The following CNTNAP2 variants were observed in gnomAD, a reference collection of about 807,000 sequenced individuals.
CNTNAP2 encodes the protein contactin associated protein 2, also known as contactin-associated protein-like 2.
In CNTNAP2, 98 loss-of-function variants were observed where a neutral mutation model predicts 155.2. The ratio of observed to expected loss-of-function variants is 0.63; its 90% CI spans 0.54 to 0.75. The LOEUF is 0.75. Among genes scored for constraint, CNTNAP2 ranks in the 30% least tolerant of loss-of-function variants. The probability of loss-of-function intolerance (pLI) is 0.00; values close to 1 mark genes in which losing one functional copy is unlikely to be tolerated. For synonymous variants in CNTNAP2, 651 were observed against 631.2 expected (o/e 1.03, Z -0.47); for missense variants, 1,727 against 1,688.1 (o/e 1.02, Z -0.40).
chr7:147,385,415 G>C (rs1195268292), intron 9 of CNTNAP2, among the ~76,000 whole-genome samples: 4 of 152,168 alleles, frequency 2.6e-5, no homozygotes, highest in Non-Finnish European at 5.9e-5. Flanking sequence ...TTCTGCTCAT[G>C]AGCCTGTAAA....
intron 13 of CNTNAP2, among the ~76,000 whole-genome samples, chr7:147,685,282 C>T (rs891970902): frequency 3.3e-4 from 50 of 152,004 alleles, no homozygotes; most frequent in African/African-American, 1.1e-3. Flanking sequence ...GCAGAATATC[C>T]TTTGAATTCT....
At chr7:147,848,841 A>G (rs1273194822) in intron 13 of CNTNAP2, among the ~76,000 whole-genome samples, 2 of 152,206 alleles carry the variant, frequency 1.3e-5, no homozygotes, top group East Asian at 3.9e-4. Flanking sequence ...ATTCATACAC[A>G]AAAGACCAAA....
intron 1 of CNTNAP2, among the ~76,000 whole-genome samples, chr7:146,615,250 GATCT>G (rs1799206018): frequency 6.6e-6 from 1 of 152,104 alleles, no homozygotes; most frequent in Non-Finnish European, 1.5e-5. Context: ...TAAAAAGCTA[GATCT>G]ATCTAACTGC....
intron 12 of CNTNAP2, among the ~76,000 whole-genome samples, chr7:147,634,107 T>C (rs900431834): frequency 3.3e-5 from 5 of 152,172 alleles, no homozygotes; most frequent in Non-Finnish European, 7.3e-5. Flanking sequence ...CTACTGGGTA[T>C]CTACCCAGAG....
At chr7:147,701,841 A>C (rs538826390) in intron 13 of CNTNAP2, among the ~76,000 whole-genome samples, 1 of 152,256 alleles carries the variant, frequency 6.6e-6, no homozygotes, top group African/African-American at 2.4e-5. Context: ...CCTCAAACTA[A>C]AATCTTTTGA....
At chr7:146,892,130 C>T (rs1198630707) in intron 3 of CNTNAP2, among the ~76,000 whole-genome samples, 2 of 152,170 alleles carry the variant, frequency 1.3e-5, no homozygotes, top group Non-Finnish European at 2.9e-5. Context: ...GCTGAAATGG[C>T]TCAGCTTAGA....
intron 13 of CNTNAP2, among the ~76,000 whole-genome samples, chr7:147,836,999 G>A (rs923444515): frequency 6.6e-6 from 1 of 152,150 alleles, no homozygotes; most frequent in Non-Finnish European, 1.5e-5. Flanking sequence ...ATAGCTAAAA[G>A]GGACTCAAAC....
At chr7:147,761,225 T>G (rs1797294114) in intron 13 of CNTNAP2, among the ~76,000 whole-genome samples, 1 of 152,226 alleles carries the variant, frequency 6.6e-6, no homozygotes, top group African/African-American at 2.4e-5. Flanking sequence ...CATTGGAAAC[T>G]TCCTGAATGC....
chr7:146,634,705 C>A (rs937367740), intron 1 of CNTNAP2, among the ~76,000 whole-genome samples: 3 of 152,060 alleles, frequency 2.0e-5, no homozygotes, highest in African/African-American at 7.2e-5. Flanking sequence ...TTCCAATTTG[C>A]AAGGAAAGAA....
chr7:146,868,420 C>A (rs1011343556), intron 3 of CNTNAP2, among the ~76,000 whole-genome samples: 2 of 152,112 alleles, frequency 1.3e-5, no homozygotes, highest in Non-Finnish European at 2.9e-5. Context: ...ATTCCTTTAG[C>A]CTTGTAGTAT....
intron 10 of CNTNAP2, among the ~76,000 whole-genome samples, chr7:147,419,511 T>C (rs74949610): frequency 6.6e-6 from 1 of 152,326 alleles, no homozygotes; most frequent in African/African-American, 2.4e-5. Flanking sequence ...AGATGCCTTA[T>C]TTTTATTTAA....
At chr7:147,232,536 CATT>C (rs1396314709) in intron 8 of CNTNAP2, among the ~76,000 whole-genome samples, 11 of 152,272 alleles carry the variant, frequency 7.2e-5, no homozygotes, top group Admixed American at 6.5e-4. Flanking sequence ...TTTACACACA[CATT>C]ATCAACTAAT....
chr7:147,584,364 G>A (rs1053686920), intron 12 of CNTNAP2, among the ~76,000 whole-genome samples: 3 of 152,048 alleles, frequency 2.0e-5, no homozygotes, highest in Non-Finnish European at 2.9e-5. Context: ...AGAAATACTA[G>A]GAGCAGAAAT....
chr7:147,079,325 G>T (rs1385727845), intron 4 of CNTNAP2, among the ~76,000 whole-genome samples: 1 of 152,018 alleles, frequency 6.6e-6, no homozygotes, highest in African/African-American at 2.4e-5. Context: ...TGGGACCTGT[G>T]CTACCTGCCA....
intron 12 of CNTNAP2, among the ~76,000 whole-genome samples, chr7:147,607,634 T>C (rs539648571): frequency 6.6e-6 from 1 of 152,258 alleles, no homozygotes; most frequent in South Asian, 2.1e-4. Flanking sequence ...TGATGTGAAC[T>C]AGGGTCAACA....
chr7:146,976,795 G>A (rs564608594), intron 3 of CNTNAP2, among the ~76,000 whole-genome samples: 1 of 152,136 alleles, frequency 6.6e-6, no homozygotes, highest in African/African-American at 2.4e-5. Context: ...ACTGGGTAGC[G>A]AAACCCGGCA....
intron 1 of CNTNAP2, among the ~76,000 whole-genome samples, chr7:146,186,477 C>T (rs1311403994): frequency 6.6e-6 from 1 of 152,146 alleles, no homozygotes; most frequent in Non-Finnish European, 1.5e-5. Flanking sequence ...TTATTGAAGT[C>T]TACATTCAAT....
chr7:147,307,415 T>TAA (rs71526000), intron 9 of CNTNAP2, among the ~76,000 whole-genome samples: 3 of 150,594 alleles, frequency 2.0e-5, no homozygotes, highest in Non-Finnish European at 4.4e-5. Context: ...CTATCTCTAC[T>TAA]AAAAAAAACC....
chr7:147,918,526 G>A (rs970167179), intron 14 of CNTNAP2, among the ~76,000 whole-genome samples: 4 of 152,176 alleles, frequency 2.6e-5, no homozygotes, highest in Admixed American at 6.5e-5. Flanking sequence ...ACACTGACAC[G>A]TGTATACAAG....
Sources: gnomAD v4.1 joint callset for allele counts (sites outside exome capture counted in the v4.1 genomes callset) on GRCh38, gnomAD v4.1.1 for gene constraint, MANE v1.5 for transcripts, NCBI Gene and HGNC (gene_info 2026-07-23, HGNC 2026-07-21) for gene names.